Variants in PRKN observed in about 807,000 individuals in gnomAD.
PRKN encodes the protein parkin RBR E3 ubiquitin protein ligase, also known as E3 ubiquitin-protein ligase parkin.
Under a neutral mutation model 59.5 loss-of-function variants are expected in PRKN, and 56 were observed. That is an observed-to-expected ratio of 0.94 (90% CI 0.76 to 1.18). PRKN has a LOEUF of 1.18. Among genes scored for constraint, PRKN ranks in the 50% most tolerant of loss-of-function variants. The probability of loss-of-function intolerance (pLI) is 0.00; values close to 1 mark genes in which losing one functional copy is unlikely to be tolerated. For missense variants in PRKN, 657 were observed against 596.4 expected (o/e 1.10, Z -1.06); for synonymous variants, 250 against 222.1 (o/e 1.13, Z -1.12).
rs536720017 is a variant in PRKN at position 162,431,561 on chromosome 6, A to C, written c.171+11749T>G. On this transcript the variant is annotated intron_variant, in intron 2 of 11. Coordinates refer to ENST00000366898, the MANE Select transcript of PRKN (RefSeq NM_004562.3). ...CTACAGAGCAAGACTCTGTCTCAAA[A>C]AAAACAAAACAAAACAAAAACAAAA... Among the ~76,000 whole-genome samples the C allele has an allele frequency of 3.0e-4, 45 of 152,246 alleles. 1 individual carries two copies. Among genetic ancestry groups the C allele is most frequent in the African/African-American group, 7.2e-4 (30 of 41,520 alleles).
rs191385586 is a variant in PRKN, at chr6:162,023,950, T to C, written c.618+30141A>G. On this transcript the variant is annotated intron_variant, in intron 5 of 11. Coordinates refer to ENST00000366898, the MANE Select transcript of PRKN (RefSeq NM_004562.3). ...TGTAATGCCTCTGGCTTTGTTCTTT[T>C]TGCTTAGGATTTCTTTGGCTATTTG... Among the ~76,000 whole-genome samples the C allele has an allele frequency of 3.3e-3, 496 of 152,326 alleles. 2 individuals carry two copies. The highest frequency in any genetic ancestry group is 5.8e-3 in the Admixed American group (89 of 15,294).
In PRKN at chr6:161,355,752, T is replaced by C. The variant is rs910598032; in HGVS notation, c.1285+4336A>G. ...GCAAATATTTTTTGTCCGGGCTCTC[T>C]TCTGGGATTGGAGCCTAGACGGTCA... On this transcript the variant is annotated intron_variant, in intron 11 of 11. Coordinates refer to ENST00000366898, the MANE Select transcript of PRKN (RefSeq NM_004562.3). The surrounding 1 kb of genome is among the most constrained non-coding windows in gnomAD (Gnocchi z 6.8). Among the ~76,000 whole-genome samples the C allele has an allele frequency of 1.3e-5, 2 of 152,188 alleles. No homozygotes were observed. The highest frequency in any genetic ancestry group is 4.8e-5 in the African/African-American group (2 of 41,432).
At chr6:162,286,935 A>C (rs1781217449) in intron 2 of PRKN, among the ~76,000 whole-genome samples, 1 of 152,206 alleles carries the variant, frequency 6.6e-6, no homozygotes, top group Non-Finnish European at 1.5e-5. Flanking sequence ...TGAACTGCTT[A>C]CCTTGACTGA....
At chr6:162,119,446 T>G (rs1327078025) in intron 4 of PRKN, among the ~76,000 whole-genome samples, 2 of 152,208 alleles carry the variant, frequency 1.3e-5, no homozygotes, top group African/African-American at 4.8e-5. Flanking sequence ...CTGTGCCAAC[T>G]ACTTTTCCCA....
intron 1 of PRKN, among the ~76,000 whole-genome samples, chr6:162,675,623 C>T (rs1779516539): frequency 6.6e-6 from 1 of 152,078 alleles, no homozygotes; most frequent in African/African-American, 2.4e-5. Context: ...ACAACCTACA[C>T]TAAAAGATAG....
rs1273079103 is a variant in PRKN, at chr6:161,419,228, G to A, written c.1084-32351C>T. Among the ~76,000 whole-genome samples the A allele has an allele frequency of 6.6e-6, 1 of 152,108 alleles. No homozygotes were observed. The highest frequency in any genetic ancestry group is 1.9e-4 in the East Asian group (1 of 5,198). On this transcript the variant is annotated intron_variant, in intron 9 of 11. Coordinates refer to ENST00000366898, the MANE Select transcript of PRKN (RefSeq NM_004562.3). This position sits in a 1 kb window ranked among gnomAD's most constrained non-coding sequence, Gnocchi z 4.1. The stretch of plus-strand genomic sequence containing the variant: ...TGATCTCACCTGTTCCCCCACTTAT[G>A]TGACCATTTTACAATGAAGAAATGG...
At chr6:162,334,583 A>G (rs1783747426) in intron 2 of PRKN, among the ~76,000 whole-genome samples, 1 of 152,236 alleles carries the variant, frequency 6.6e-6, no homozygotes, top group South Asian at 2.1e-4. Flanking sequence ...CCCGAAAGAT[A>G]CACAAGGAGA....
intron 3 of PRKN, among the ~76,000 whole-genome samples, chr6:162,215,984 G>A (rs1232206409): frequency 1.4e-4 from 22 of 152,012 alleles, no homozygotes; most frequent in Admixed American, 1.3e-3. Flanking sequence ...GGGAGGCAGA[G>A]GTAGCAGTGA....
At chr6:162,662,220 G>T (rs1034675451) in intron 1 of PRKN, among the ~76,000 whole-genome samples, 1 of 151,508 alleles carries the variant, frequency 6.6e-6, no homozygotes, top group African/African-American at 2.4e-5. Context: ...CCTGAAACGG[G>T]GCAACCTGTT....
At chr6:162,709,257 A>G (rs915175191) in intron 1 of PRKN, among the ~76,000 whole-genome samples, 4 of 152,280 alleles carry the variant, frequency 2.6e-5, no homozygotes, top group African/African-American at 9.6e-5. Flanking sequence ...ATTACACTTG[A>G]AACCACCCTC....
At chr6:162,251,574 C>T (rs1779438957) in intron 3 of PRKN, among the ~76,000 whole-genome samples, 2 of 152,244 alleles carry the variant, frequency 1.3e-5, no homozygotes, top group South Asian at 4.2e-4. Context: ...AATACATATT[C>T]ATTCTAGAAA....
At chr6:162,236,081 T>C (rs1778697946) in intron 3 of PRKN, among the ~76,000 whole-genome samples, 1 of 152,108 alleles carries the variant, frequency 6.6e-6, no homozygotes, top group South Asian at 2.1e-4. Context: ...CCTTTCCCCA[T>C]ATGAATTAGA....
intron 2 of PRKN, among the ~76,000 whole-genome samples, chr6:162,421,234 G>A (rs185581999): frequency 3.5e-4 from 53 of 152,246 alleles, no homozygotes; most frequent in Middle Eastern, 3.4e-3. Context: ...CAGCACCTGC[G>A]TGGCTGTTTT....
intron 6 of PRKN, among the ~76,000 whole-genome samples, chr6:161,939,418 C>CAA (rs34604240): frequency 0.094 from 3,700 of 39,492 alleles, 581 homozygotes; most frequent in East Asian, 0.28. Context: ...GACTCTGTCT[C>CAA]AAAAAAAAAA....
At chr6:162,314,479 C>A (rs1464483443) in intron 2 of PRKN, among the ~76,000 whole-genome samples, 1 of 152,074 alleles carries the variant, frequency 6.6e-6, no homozygotes, top group Non-Finnish European at 1.5e-5. Context: ...GTAATTTAAA[C>A]AGATGCCTTA....
intron 6 of PRKN, among the ~76,000 whole-genome samples, chr6:161,927,430 AACTTAC>A (rs1429142519): frequency 6.6e-6 from 1 of 152,228 alleles, no homozygotes; most frequent in African/African-American, 2.4e-5. Context: ...AGGGTAAAAT[AACTTAC>A]ACTTATAACT....
chr6:161,501,857 C>A (rs1777975836), intron 9 of PRKN, among the ~76,000 whole-genome samples: 1 of 152,182 alleles, frequency 6.6e-6, no homozygotes, highest in Non-Finnish European at 1.5e-5. Context: ...GGCAGCACAG[C>A]CTCAGCCACA....
At chr6:162,188,406 C>T (rs1784118300) in intron 4 of PRKN, among the ~76,000 whole-genome samples, 1 of 152,168 alleles carries the variant, frequency 6.6e-6, no homozygotes, top group Admixed American at 6.5e-5. Flanking sequence ...CCTGCCTCTT[C>T]ATTCTCCAAC....
Position 161,495,260 on chromosome 6 carries a change from C to T in PRKN, c.1083+53594G>A, listed in dbSNP as rs1200615859. Among the ~76,000 whole-genome samples the T allele has an allele frequency of 4.6e-5, 7 of 152,278 alleles. No individual in the cohort carries two copies. In the East Asian group the frequency reaches 1.2e-3, roughly 25 times the overall value. ...GTGCTCCAAGGACGCTGGCTAGTGG[C>T]CACTGCATTGCCCGGCATATCCTAG... On this transcript the variant is annotated intron_variant, in intron 9 of 11. Coordinates refer to ENST00000366898, the MANE Select transcript of PRKN (RefSeq NM_004562.3).
Sources: allele counts gnomAD v4.1 joint callset (sites outside exome capture counted in the v4.1 genomes callset), GRCh38; gene constraint gnomAD v4.1.1; non-coding constraint Gnocchi (gnomAD v3.1); transcripts MANE v1.5; gene names NCBI Gene and HGNC (gene_info 2026-07-23, HGNC 2026-07-21).